TENM2: variants seen among roughly 807,000 people sequenced by gnomAD.
TENM2 encodes the protein teneurin transmembrane protein 2.
TENM2 carries 52 observed loss-of-function variants against 245.2 expected under a neutral mutation model. That is an observed-to-expected ratio of 0.21 (90% CI 0.17 to 0.27). The LOEUF is 0.27. Among genes scored for constraint, TENM2 ranks in the 10% least tolerant of loss-of-function variants. The probability of loss-of-function intolerance (pLI) is 1.00; values close to 1 mark genes in which losing one functional copy is unlikely to be tolerated. For missense variants in TENM2, 3,046 were observed against 3,666.8 expected (o/e 0.83, Z 4.37); for synonymous variants, 1,363 against 1,438.9 (o/e 0.95, Z 1.19).
chr5:167,540,516 T>G (rs1772133842), intron 2 of TENM2, among the ~76,000 whole-genome samples: 1 of 152,218 alleles, frequency 6.6e-6, no homozygotes, highest in Admixed American at 6.5e-5. Context: ...CCATGCTCAT[T>G]CGTTTATGTA....
Position 167,921,171 on chromosome 5 carries a change from G to T in TENM2, c.713-31417G>T, listed in dbSNP as rs182622603. On this transcript the variant is annotated intron_variant, in intron 3 of 28. Coordinates refer to ENST00000518659, the Ensembl canonical transcript of TENM2. ...GTCTTCATCTTATCCGATTGGTGTT[G>T]TCCTGATGATAAGCTCCAGTAAGCA... is the stretch of plus-strand genomic sequence containing the variant. Among the ~76,000 whole-genome samples, 4 of 152,298 alleles carry T rather than the reference G, an allele frequency of 2.6e-5. No individual in the cohort carries two copies. The East Asian group carries it at 7.7e-4, about 29-fold the overall frequency.
At chr5:167,143,721 A>G in the TENM2 span, among the ~76,000 whole-genome samples, 1 of 152,218 alleles carries the variant, frequency 6.6e-6, no homozygotes, top group African/African-American at 2.4e-5. Flanking sequence ...ACATCATGCA[A>G]GAGTAACTTG....
intron 2 of TENM2, among the ~76,000 whole-genome samples, chr5:167,500,002 A>ATATG (rs1769089557): frequency 1.6e-5 from 1 of 63,274 alleles, no homozygotes; most frequent in East Asian, 5.9e-4. Context: ...GTGAGGGTGT[A>ATATG]TGTGTGTGTG....
chr5:167,453,829 G>T (rs1332576797), intron 2 of TENM2, among the ~76,000 whole-genome samples: 4 of 152,118 alleles, frequency 2.6e-5, no homozygotes, highest in Non-Finnish European at 5.9e-5. Context: ...TGGCATGCAG[G>T]AATTCAGATT....
chr5:167,650,405 T>A (rs551369072), intron 2 of TENM2, among the ~76,000 whole-genome samples: 51 of 152,296 alleles, frequency 3.3e-4, no homozygotes, highest in Non-Finnish European at 6.6e-4. Flanking sequence ...CTAATTCAGC[T>A]AAGGTTCTTA....
At chr5:168,037,259 T>C (rs1260398218) in intron 5 of TENM2, among the ~76,000 whole-genome samples, 1 of 152,230 alleles carries the variant, frequency 6.6e-6, no homozygotes, top group Non-Finnish European at 1.5e-5. Context: ...CCCATGTGCC[T>C]AATTTGGCTT....
the TENM2 span, among the ~76,000 whole-genome samples, chr5:167,118,827 G>A: frequency 3.3e-5 from 5 of 152,120 alleles, no homozygotes; most frequent in Non-Finnish European, 7.4e-5. Context: ...ACCCTTTCTT[G>A]GGGAGTGAGT....
the TENM2 span, among the ~76,000 whole-genome samples, chr5:167,008,991 A>G: frequency 3.0e-4 from 45 of 152,290 alleles, no homozygotes; most frequent in Non-Finnish European, 5.3e-4. Context: ...GGCAGAAATG[A>G]TCAGAGGCCT....
chr5:167,272,711 A>G, the TENM2 span, among the ~76,000 whole-genome samples: 1,139 of 152,232 alleles, frequency 7.5e-3, 14 homozygotes, highest in African/African-American at 0.026. Context: ...TTGCCTCTCA[A>G]TTCACACGGG....
chr5:167,541,438 T>C (rs10043795), intron 2 of TENM2, among the ~76,000 whole-genome samples: 103,030 of 151,960 alleles, frequency 0.68, 35,273 homozygotes, highest in East Asian at 0.88. Context: ...GAGGTGTTTT[T>C]TGAGAGAGAG....
chr5:167,748,373 T>A (rs1355218042), intron 2 of TENM2, among the ~76,000 whole-genome samples: 5 of 47,302 alleles, frequency 1.1e-4, no homozygotes, highest in African/African-American at 2.9e-4. Flanking sequence ...TAAGAATGAT[T>A]TTTTTTAGAG....
the TENM2 span, among the ~76,000 whole-genome samples, chr5:167,073,290 A>T: frequency 6.6e-6 from 1 of 152,026 alleles, no homozygotes. Flanking sequence ...TTGCTTCGTC[A>T]TTTGGCTTTG....
At chr5:166,991,545 G>C in the TENM2 span, among the ~76,000 whole-genome samples, 1 of 152,048 alleles carries the variant, frequency 6.6e-6, no homozygotes, top group Non-Finnish European at 1.5e-5. Flanking sequence ...AAAATGTTTG[G>C]GGGTTGTATT....
intron 2 of TENM2, among the ~76,000 whole-genome samples, chr5:167,810,936 T>C (rs1056406579): frequency 4.6e-5 from 7 of 152,160 alleles, no homozygotes; most frequent in African/African-American, 1.7e-4. Context: ...TCTTCTCCTT[T>C]GGTTCCTGAG....
intron 2 of TENM2, among the ~76,000 whole-genome samples, chr5:167,672,687 G>A (rs548686135): frequency 3.9e-5 from 6 of 152,128 alleles, no homozygotes; most frequent in African/African-American, 1.4e-4. Flanking sequence ...GGGTGTTAAC[G>A]CGGTGGATTC....
At chr5:167,420,667 C>G (rs1462632632) in intron 2 of TENM2, among the ~76,000 whole-genome samples, 1 of 152,160 alleles carries the variant, frequency 6.6e-6, no homozygotes, top group Non-Finnish European at 1.5e-5. Context: ...CCCACCCTGA[C>G]CATTGTGTAA....
At chr5:167,334,049 T>C (rs1269477549) in intron 1 of TENM2, among the ~76,000 whole-genome samples, 2 of 152,222 alleles carry the variant, frequency 1.3e-5, no homozygotes, top group Non-Finnish European at 2.9e-5. Context: ...ATATACCTTA[T>C]ATTTATTGAA....
At chr5:167,939,795 G>A (rs186981704) in intron 3 of TENM2, among the ~76,000 whole-genome samples, 20 of 152,184 alleles carry the variant, frequency 1.3e-4, no homozygotes, top group Middle Eastern at 3.4e-3. Context: ...TTTCTGTATC[G>A]GCAACTACGC....
rs754897623 is a variant in TENM2, at chr5:167,398,373, T to TCTTC, written c.502+22904_502+22907dup. On this transcript the variant is annotated intron_variant, in intron 2 of 28. Coordinates refer to ENST00000518659, the Ensembl canonical transcript of TENM2. ...TCCTTCTTTCTTTCTTTCCTTTCTT[T>TCTTC]CTTCCTTTCTTTCTTTCTTTCTTTC... is the stretch of plus-strand genomic sequence containing the variant. 1.1e-4 allele frequency among the ~76,000 whole-genome samples: 11 copies of TCTTC among 99,316 alleles called. No homozygotes were observed. The South Asian group carries it at 1.5e-3, about 14-fold the overall frequency. The allele number at this position is 99,316 out of a possible 152,430, so 65.2% of individuals were successfully genotyped here.
Sources: allele counts gnomAD v4.1 joint callset (sites outside exome capture counted in the v4.1 genomes callset), GRCh38; gene constraint gnomAD v4.1.1; transcripts MANE v1.5; gene names NCBI Gene and HGNC (gene_info 2026-07-23, HGNC 2026-07-21).